ENTPD5: variants seen among roughly 807,000 people sequenced by gnomAD.
ENTPD5 encodes nucleoside diphosphate phosphatase ENTPD5.
A neutral mutation model predicts 60.2 loss-of-function variants in ENTPD5; 49 were observed. That is an observed-to-expected ratio of 0.81 (90% CI 0.65 to 1.03). The LOEUF is 1.03. ENTPD5 is among the 50% of genes least tolerant of loss of function. ENTPD5 has a pLI of 0.00. For missense variants in ENTPD5, 480 were observed against 507.6 expected (o/e 0.95, Z 0.52); for synonymous variants, 187 against 185.4 (o/e 1.01, Z -0.07).
At chr14:73,990,491 T>C (rs1183195730) in intron 3 of ENTPD5, among the ~76,000 whole-genome samples, 1 of 151,682 alleles carries the variant, frequency 6.6e-6, no homozygotes, top group Non-Finnish European at 1.5e-5. Context: ...TGTGCCTCCA[T>C]ACCTGGCTAT....
At chr14:73,989,101 C>A (rs1224347096) in intron 3 of ENTPD5, among the ~76,000 whole-genome samples, 2 of 151,552 alleles carry the variant, frequency 1.3e-5, no homozygotes, top group Admixed American at 1.3e-4. Flanking sequence ...GGATTACAGG[C>A]ATAAGCCACC....
rs867456134 is a variant in ENTPD5 at position 73,966,513 on chromosome 14, G to T, written c.*415C>A. The T allele has an allele frequency of 6.5e-6, 1 of 154,354 alleles. No homozygotes were observed. The highest frequency in any genetic ancestry group is 1.4e-5 in the Non-Finnish European group (1 of 69,458). The allele number at this position is 154,354 out of a possible 1,614,324, so 9.6% of individuals were successfully genotyped here. On this transcript the variant is annotated 3_prime_UTR_variant, in exon 16 of 16. Transcript: ENST00000334696. ...TTCAGGGGAGGTGGGTGCAGATAAG[G>T]GTGGGCAGGGCACTGTATAGGGAGG...
At chr14:73,998,698 G>T (rs572519485) in intron 3 of ENTPD5, among the ~76,000 whole-genome samples, 1 of 152,092 alleles carries the variant, frequency 6.6e-6, no homozygotes, top group Non-Finnish European at 1.5e-5. Context: ...CTGTGAAAAA[G>T]GTCGTATCTG....
At chr14:74,003,254 C>G in intron 3 of ENTPD5, 1 of 361,586 alleles carries the variant, frequency 2.8e-6, no homozygotes, top group Non-Finnish European at 5.3e-6. Flanking sequence ...ATAAGCTCCT[C>G]AAGAGCAGAA....
At chr14:73,992,886 C>G (rs1475847142) in intron 3 of ENTPD5, among the ~76,000 whole-genome samples, 1 of 151,868 alleles carries the variant, frequency 6.6e-6, no homozygotes, top group African/African-American at 2.4e-5. Context: ...GCCTGTAGTC[C>G]TAGCTACTTG....
At chr14:73,979,872 T>C (rs1025153060) in intron 6 of ENTPD5, among the ~76,000 whole-genome samples, 2 of 152,066 alleles carry the variant, frequency 1.3e-5, no homozygotes, top group Non-Finnish European at 2.9e-5. Context: ...ATAAGTGACT[T>C]AAGTCCTCTG....
chr14:73,972,452 C>T (rs778035630), intron 13 of ENTPD5, among the ~76,000 whole-genome samples: 1 of 152,100 alleles, frequency 6.6e-6, no homozygotes, highest in Non-Finnish European at 1.5e-5. Flanking sequence ...TAATTCATCT[C>T]TCTCAGGCCA....
At chr14:73,955,901 C>G, downstream of ENTPD5, 3 of 1,614,116 alleles carry the variant, frequency 1.9e-6, no homozygotes, top group Admixed American at 3.3e-5. Context: ...CATGCATGCT[C>G]TCACTAAGCA....
At chr14:73,997,687 C>T (rs1450567046) in intron 3 of ENTPD5, among the ~76,000 whole-genome samples, 1 of 152,120 alleles carries the variant, frequency 6.6e-6, no homozygotes, top group Non-Finnish European at 1.5e-5. Context: ...TGAGCAATGC[C>T]TTATTTGAGG....
chr14:73,959,539 C>G (rs1474084272), downstream of ENTPD5: 2 of 1,613,776 alleles, frequency 1.2e-6, no homozygotes, highest in African/African-American at 2.7e-5. Flanking sequence ...ATCAATTTAC[C>G]CAGCTGATGA....
intron 3 of ENTPD5, among the ~76,000 whole-genome samples, chr14:74,001,699 A>AAAAAG (rs2058516402): frequency 3.4e-5 from 4 of 118,196 alleles, no homozygotes; most frequent in African/African-American, 1.3e-4. Flanking sequence ...AAAAAAAAAA[A>AAAAAG]AAGCCAGGCA....
At position 73,964,345 on chromosome 14, in the gene ENTPD5, G is replaced by A. The variant is rs986220737; in HGVS notation, c.*2583C>T. On this transcript the variant is annotated 3_prime_UTR_variant, in exon 16 of 16. Transcript: ENST00000334696. ...AAGCCCAAAGGGTCTACTGCAGGCA[G>A]GATGGGCGTTACAGAAAAAAATAAA... 3 of 152,190 alleles carry A rather than the reference G, an allele frequency of 2.0e-5. No individual in the cohort carries two copies. The highest frequency in any genetic ancestry group is 7.2e-5 in the African/African-American group (3 of 41,444). 9.4% of individuals were successfully genotyped at this position (152,190 alleles called of 1,614,324 possible).
At chr14:74,002,858 G>GC (rs1366103707) in intron 3 of ENTPD5, among the ~76,000 whole-genome samples, 1 of 152,094 alleles carries the variant, frequency 6.6e-6, no homozygotes, top group Non-Finnish European at 1.5e-5. Context: ...CCTGAAAATA[G>GC]CCTTCTGCTT....
In ENTPD5 at chr14:74,002,976, C is replaced by T. The variant is rs116245549; in HGVS notation, c.-71+8115G>A. On this transcript the variant is annotated intron_variant, in intron 3 of 15. Coordinates refer to ENST00000334696, the MANE Select transcript of ENTPD5 (RefSeq NM_001249.5). Reference sequence around the variant, plus strand: ...TCATGCCCCTGCCTTAGGGCCTTCGCTCTAAGCTGTCCCCACTGCCTAGAA... The same window carrying T: ...TCATGCCCCTGCCTTAGGGCCTTCGTTCTAAGCTGTCCCCACTGCCTAGAA... Among the ~76,000 whole-genome samples, 817 of 152,310 alleles carry T rather than the reference C, an allele frequency of 5.4e-3. 9 individuals carry two copies. Among genetic ancestry groups the T allele is most frequent in the African/African-American group, 0.019 (789 of 41,576 alleles).
At chr14:73,959,701 C>A (rs1468338728), downstream of ENTPD5, 1 of 1,267,092 alleles carries the variant, frequency 7.9e-7, no homozygotes, top group Non-Finnish European at 1.1e-6. Flanking sequence ...TCCTAAGTAG[C>A]TGGGACTACA....
downstream of ENTPD5, among the ~76,000 whole-genome samples, chr14:73,957,789 C>A (rs2056512218): frequency 6.6e-6 from 1 of 152,084 alleles, no homozygotes; most frequent in East Asian, 1.9e-4. Context: ...GGAAGAAAAT[C>A]TTTTGTAGTC....
At chr14:73,975,888 G>A (rs1473656773) in intron 10 of ENTPD5, 48 bp downstream of exon 10, 5 of 1,429,770 alleles carry the variant, frequency 3.5e-6, no homozygotes, top group Admixed American at 1.9e-5. Context: ...GGAAAGTTAG[G>A]AGAATCATAC....
Position 73,967,033 on chromosome 14 carries a change from G to A in ENTPD5, c.1201-19C>T. 6.2e-7 allele frequency: 1 copy of A among 1,606,284 alleles called. No individual in the cohort carries two copies. Among genetic ancestry groups the A allele is most frequent in the South Asian group, 1.1e-5 (1 of 90,812 alleles). ...TTGTGAGCTGTTGAGAAGAAAAAAA[G>A]TCTTCACCTTTTCATCCAGTTTCCA... On this transcript the variant is annotated intron_variant, in intron 15 of 15. Coordinates refer to ENST00000334696, the MANE Select transcript of ENTPD5 (RefSeq NM_001249.5).
chr14:73,955,764 C>T, downstream of ENTPD5: 1 of 1,613,962 alleles, frequency 6.2e-7, no homozygotes. Flanking sequence ...AGTGATGTTT[C>T]CCTCTTGGTT....
Sources: gnomAD v4.1 joint callset for allele counts (sites outside exome capture counted in the v4.1 genomes callset) on GRCh38, gnomAD v4.1.1 for gene constraint, MANE v1.5 for transcripts, NCBI Gene and HGNC (gene_info 2026-07-23, HGNC 2026-07-21) for gene names.